Variants in SGTA observed in about 807,000 individuals in gnomAD.
SGTA encodes the protein small glutamine rich tetratricopeptide repeat co-chaperone alpha, also known as small glutamine-rich tetratricopeptide repeat-containing protein alpha.
SGTA carries 22 observed loss-of-function variants against 44.3 expected under a neutral mutation model. The observed-to-expected ratio is 0.50, with a 90% CI of 0.36 to 0.71. The LOEUF (loss-of-function observed/expected upper bound fraction) is 0.71. SGTA is among the 30% of genes least tolerant of loss of function. The pLI is 0.00. For missense variants in SGTA, 341 were observed against 435.9 expected, an observed-to-expected ratio of 0.78 and a Z score of 1.94; for synonymous variants, 174 against 177.6, an observed-to-expected ratio of 0.98 and a Z score of 0.16.
At chr19:2,757,522 C>A in intron 10 of SGTA, 65 bp from the exon 11 acceptor site, 1 of 1,573,952 alleles carries the variant, frequency 6.4e-7, no homozygotes, top group East Asian at 2.3e-5. Context: ...CCGTCCATCC[C>A]CAGCTGACCC....
At chr19:2,759,436 A>G in intron 8 of SGTA, 142 bp from the exon 9 acceptor site, 1 of 743,282 alleles carries the variant, frequency 1.3e-6, no homozygotes, top group Non-Finnish European at 2.3e-6. Flanking sequence ...TCGGTCTTTC[A>G]TACCCTTTTC....
Position 2,769,052 on chromosome 19 carries a change from C to A in SGTA, c.17G>T (p.Arg6Leu). Reference protein sequence around the residue: MDNKKRLAYAIIQFLH... With the variant: MDNKKLLAYAIIQFLH... ...GAACTGGATGATGGCGTAGGCCAGG[C>A]GCTTCTTGTTGTCCATCTTGAGCCC... Residue 6 changes from arginine to leucine, a missense_variant, in exon 2 of 12, where the codon CGC becomes CTC. Arg to Leu is a moderately radical substitution (Grantham distance 102, BLOSUM62 -2). Coordinates refer to ENST00000221566, the MANE Select transcript of SGTA (RefSeq NM_003021.4). The A allele has an allele frequency of 1.2e-6, 2 of 1,613,862 alleles. No homozygotes were observed. Among genetic ancestry groups the A allele is most frequent in the Non-Finnish European group, 1.7e-6 (2 of 1,179,868 alleles).
chr19:2,762,583 C>A lies in SGTA; in HGVS notation c.559G>T (p.Glu187Ter). 6.2e-7 allele frequency: 1 copy of A among 1,614,112 alleles called. No homozygotes were observed. Among genetic ancestry groups the A allele is most frequent in the Non-Finnish European group, 8.5e-7 (1 of 1,180,000 alleles). The change falls in exon 7 of 12, where the codon GAG becomes TAG. Residue 187 changes from glutamate to a stop codon, truncating the protein, a stop_gained. Coordinates refer to ENST00000221566, the MANE Select transcript of SGTA (RefSeq NM_003021.4). LOFTEE classifies it high-confidence loss of function. ...TATGTCTCGTTGTCGGGGTCCAGCT[C>A]CAGAGCCTTCTTGTAGTAAGCCACG... is the stretch of plus-strand genomic sequence containing the variant. ...EAVAYYKKALELDPDNETYKS... is the reference protein window; with the variant it reads ...EAVAYYKKAL
intron 11 of SGTA, 143 bp from the exon 12 acceptor site, chr19:2,756,076 AC>A: frequency 3.7e-6 from 1 of 273,490 alleles, no homozygotes; most frequent in Non-Finnish European, 5.6e-6. Context: ...CCACAGCTGC[AC>A]CAGAAGCGTT....
At chr19:2,776,266 C>G (rs1915443421) in intron 1 of SGTA, among the ~76,000 whole-genome samples, 1 of 152,212 alleles carries the variant, frequency 6.6e-6, no homozygotes, top group African/African-American at 2.4e-5. Context: ...CACGTTTTGA[C>G]AACAGCATTA....
At chr19:2,772,981 A>G (rs374440607) in intron 1 of SGTA, among the ~76,000 whole-genome samples, 250 of 19,178 alleles carry the variant, frequency 0.013, 23 homozygotes, top group South Asian at 0.031. Context: ...TGGGTGACGC[A>G]GCCACACGGC....
At chr19:2,762,283 G>A (rs532219477) in intron 7 of SGTA, among the ~76,000 whole-genome samples, 4 of 152,210 alleles carry the variant, frequency 2.6e-5, no homozygotes, top group Non-Finnish European at 4.4e-5. Flanking sequence ...CTCAGCCTCC[G>A]CGGGCAGCCC....
rs983762847 is a variant in SGTA at position 2,761,391 on chromosome 19, G to A, written c.699+69C>T. On this transcript the variant is annotated intron_variant, in intron 8 of 11. Transcript: ENST00000221566. The surrounding 1 kb of genome is among the most constrained non-coding windows in gnomAD (Gnocchi z 5.7). ...AGGCAAGGAAGCCCTGGCCAGTAGC[G>A]GACACAGCAGATGCGGGCCTGGGGG... 2.7e-5 allele frequency: 37 copies of A among 1,353,836 alleles called. No individual in the cohort carries two copies. Among genetic ancestry groups the A allele is most frequent in the African/African-American group, 2.9e-5 (2 of 68,844 alleles). The allele number at this position is 1,353,836 out of a possible 1,614,324, so 83.9% of individuals were successfully genotyped here. A position where few individuals can be genotyped will look rare whatever the true frequency, so the allele number is the denominator to read the frequency against.
chr19:2,769,771 C>T (rs1043463292), intron 1 of SGTA, among the ~76,000 whole-genome samples: 1 of 148,646 alleles, frequency 6.7e-6, no homozygotes, highest in Non-Finnish European at 1.5e-5. Context: ...CGGACACCCT[C>T]CTGTGCCCCC....
At chr19:2,776,825 T>C (rs1038098580) in intron 1 of SGTA, among the ~76,000 whole-genome samples, 20 of 151,900 alleles carry the variant, frequency 1.3e-4, no homozygotes, top group Admixed American at 3.9e-4. Context: ...TAGCCAATCA[T>C]GGTGGCGCAC....
chr19:2,780,692 A>G (rs2144745155), intron 1 of SGTA, among the ~76,000 whole-genome samples: 1 of 152,272 alleles, frequency 6.6e-6, no homozygotes, highest in East Asian at 1.9e-4. Flanking sequence ...TCTAAACCCT[A>G]TGGACTCAGG....
At position 2,762,624 on chromosome 19, in the gene SGTA, T is replaced by C; in HGVS notation, c.518A>G (p.Asn173Ser). 6.2e-7 allele frequency: 1 copy of C among 1,614,016 alleles called. No individual in the cohort carries two copies. The highest frequency in any genetic ancestry group is 8.5e-7 in the Non-Finnish European group (1 of 1,179,980). ...GRMGLALSSL[N>S]KHVEAVAYYK... ...GTAAGCCACGGCCTCCACGTGCTTG[T>C]TGAGGCTGGAGAGCGCCAGGCTGGA... Residue 173 changes from asparagine (N) to serine (S), a missense_variant, in exon 7 of 12, where the codon AAC (asparagine) becomes AGC (serine). Transcript: ENST00000221566.
chr19:2,761,570 C>A lies in SGTA; in HGVS notation c.637-48G>T. 1.4e-6 allele frequency: 2 copies of A among 1,431,568 alleles called. No individual in the cohort carries two copies. Among genetic ancestry groups the A allele is most frequent in the South Asian group, 1.2e-5 (1 of 81,828 alleles). The allele number at this position is 1,431,568 out of a possible 1,614,324, so 88.7% of individuals were successfully genotyped here. The stretch of plus-strand genomic sequence containing the variant: ...TTAGTGGGGCCTGGACCAGAGGCCA[C>A]GGTGAATAACCCCCTGGAACTCAGA... On this transcript the variant is annotated intron_variant, in intron 7 of 11. Coordinates refer to ENST00000221566, the MANE Select transcript of SGTA (RefSeq NM_003021.4). The surrounding 1 kb of genome is among the most constrained non-coding windows in gnomAD (Gnocchi z 5.7).
At chr19:2,771,132 A>G (rs1915292309) in intron 1 of SGTA, among the ~76,000 whole-genome samples, 1 of 152,208 alleles carries the variant, frequency 6.6e-6, no homozygotes, top group Non-Finnish European at 1.5e-5. Flanking sequence ...TCTGTTGTTA[A>G]TATCACGATT....
intron 1 of SGTA, among the ~76,000 whole-genome samples, chr19:2,772,283 TCTACAGTGA>T (rs1915330759): frequency 6.6e-6 from 1 of 152,242 alleles, no homozygotes; most frequent in South Asian, 2.1e-4. Flanking sequence ...GAAGGAATCT[TCTACAGTGA>T]CAGCTGCCTC....
At chr19:2,771,550 A>C (rs2144734373) in intron 1 of SGTA, among the ~76,000 whole-genome samples, 1 of 142,968 alleles carries the variant, frequency 7.0e-6, no homozygotes, top group East Asian at 2.1e-4. Context: ...TCTGTCCCCC[A>C]TGGATGGCGA....
chr19:2,767,362 C>G lies in SGTA; in HGVS notation c.208-142G>C, dbSNP rs990447850. On this transcript the variant is annotated intron_variant, in intron 3 of 11. Coordinates refer to ENST00000221566, the MANE Select transcript of SGTA (RefSeq NM_003021.4). The surrounding 1 kb of genome is among the most constrained non-coding windows in gnomAD (Gnocchi z 7.3). ...CTGCAGGGGACTCCTGGCCCCCCAT[C>G]ATGTGGCCCTGGGCGAGTGACCACA... 11 of 742,236 alleles carry G rather than the reference C, an allele frequency of 1.5e-5. No individual in the cohort carries two copies. Among genetic ancestry groups the G allele is most frequent in the African/African-American group, 8.8e-5 (5 of 57,140 alleles). The allele number at this position is 742,236 out of a possible 1,614,324, so 46.0% of individuals were successfully genotyped here.
At chr19:2,762,435 G>A (rs547149965) in intron 7 of SGTA, 71 bp downstream of exon 7, 5 of 1,525,908 alleles carry the variant, frequency 3.3e-6, no homozygotes, top group Admixed American at 1.7e-5. Context: ...CCACTGGTGC[G>A]CCCGAGGACC....
chr19:2,757,666 C>T (rs1313637818), intron 10 of SGTA, 27 bp downstream of exon 10: 2 of 1,523,970 alleles, frequency 1.3e-6, no homozygotes, highest in Non-Finnish European at 8.8e-7. Context: ...CCACGTCCTC[C>T]GTCCTCTTGG....
Sources: allele counts gnomAD v4.1 joint callset (sites outside exome capture counted in the v4.1 genomes callset), GRCh38; gene constraint gnomAD v4.1.1; non-coding constraint Gnocchi (gnomAD v3.1); transcripts MANE v1.5; gene names NCBI Gene and HGNC (gene_info 2026-07-23, HGNC 2026-07-21).